Variants in DAGLB observed in about 807,000 individuals in gnomAD.
DAGLB encodes diacylglycerol lipase-beta.
DAGLB carries 66 observed loss-of-function variants against 72.1 expected under a neutral mutation model. The observed-to-expected ratio is 0.92, with a 90% CI of 0.75 to 1.12. DAGLB has a LOEUF of 1.12. Among genes scored for constraint, DAGLB ranks in the 50% most tolerant of loss-of-function variants. The pLI, the probability that DAGLB is intolerant of heterozygous loss-of-function variation, is 0.00. For synonymous variants in DAGLB, 414 were observed against 359.5 expected (o/e 1.15, Z -1.71); for missense variants, 1,065 against 884.9 (o/e 1.20, Z -2.58).
Position 6,410,336 on chromosome 7 carries a change from T to G in DAGLB, c.1614A>C (p.Gly538=), listed in dbSNP as rs77154720. The change falls in exon 14 of 15, where the codon GGA becomes GGC. Residue 538 remains glycine, a synonymous_variant. Coordinates refer to ENST00000297056, the MANE Select transcript of DAGLB (RefSeq NM_139179.4). ...LHGLWYELFG[G]NPNNLPTELD... is the part of the protein sequence containing the mutation. ...GCTCCGTGGGCAAGTTGTTGGGGTTTCCTCCAAACAGTTCGTACCACAAAC... is the reference window on the plus strand; with the variant it reads ...GCTCCGTGGGCAAGTTGTTGGGGTTGCCTCCAAACAGTTCGTACCACAAAC... 0.031 allele frequency: 50,444 copies of G among 1,614,012 alleles called. 965 individuals are homozygous for G. The highest frequency in any genetic ancestry group is 0.073 in the Middle Eastern group (445 of 6,062).
intron 1 of DAGLB, among the ~76,000 whole-genome samples, chr7:6,446,706 T>C (rs1030978537): frequency 7.9e-5 from 12 of 151,034 alleles, no homozygotes; most frequent in South Asian, 4.3e-4. Flanking sequence ...TGGAATATAA[T>C]TGCCAACAAT....
At chr7:6,418,886 C>G (rs1376928448) in intron 9 of DAGLB, among the ~76,000 whole-genome samples, 4 of 151,024 alleles carry the variant, frequency 2.6e-5, no homozygotes, top group African/African-American at 4.9e-5. Flanking sequence ...GGATGGTCTC[C>G]ATCTCCTGAC....
rs371793192 is a variant in DAGLB at position 6,414,820 on chromosome 7, A to G, written c.1428-1786T>C. Among the ~76,000 whole-genome samples, 10 of 141,096 alleles carry G rather than the reference A, an allele frequency of 7.1e-5. 1 individual carries two copies. Among genetic ancestry groups the G allele is most frequent in the African/African-American group, 2.6e-4 (10 of 37,942 alleles). The allele number at this position is 141,096 out of a possible 152,430, so 92.6% of individuals were successfully genotyped here. The stretch of plus-strand genomic sequence containing the variant: ...GGTTGATTCCAGATATGGACGATGG[A>G]AAAAAAAAATACTTGCTCATTTCAA... On this transcript the variant is annotated intron_variant, in intron 11 of 14. Transcript: ENST00000297056.
At chr7:6,423,568 T>C (rs556862286) in intron 8 of DAGLB, among the ~76,000 whole-genome samples, 261 of 147,502 alleles carry the variant, frequency 1.8e-3, no homozygotes, top group Non-Finnish European at 2.8e-3. Flanking sequence ...GGATTACAGG[T>C]TCCCGCCACC....
At chr7:6,433,097 CTGCTCCT>C in intron 4 of DAGLB, 138 bp from the exon 5 acceptor site, 2 of 1,322,058 alleles carry the variant, frequency 1.5e-6, no homozygotes, top group Non-Finnish European at 2.0e-6. Context: ...GTTAAAAAGA[CTGCTCCT>C]GGCAGGAGTG....
intron 8 of DAGLB, among the ~76,000 whole-genome samples, chr7:6,423,555 C>T (rs1469738026): frequency 6.6e-6 from 1 of 151,934 alleles, no homozygotes; most frequent in African/African-American, 2.4e-5. Flanking sequence ...TCCTGAGTAT[C>T]TGGGATTACA....
intron 2 of DAGLB, among the ~76,000 whole-genome samples, chr7:6,439,420 C>T (rs1784759790): frequency 6.6e-6 from 1 of 152,192 alleles, no homozygotes; most frequent in Non-Finnish European, 1.5e-5. Context: ...GTCCTCACCA[C>T]TGTCTTGGTT....
chr7:6,417,854 A>T (rs547714009), intron 9 of DAGLB: 1 of 152,178 alleles, frequency 6.6e-6, no homozygotes, highest in African/African-American at 2.4e-5. Flanking sequence ...AGTAAATAAA[A>T]TTTTATTTAT....
intron 5 of DAGLB, among the ~76,000 whole-genome samples, chr7:6,430,924 C>T (rs1045555624): frequency 6.6e-6 from 1 of 152,108 alleles, no homozygotes; most frequent in Admixed American, 6.6e-5. Context: ...TACAGGCACC[C>T]GCCACCACAC....
At position 6,410,258 on chromosome 7, in the gene DAGLB, G is replaced by A; in HGVS notation, c.1692C>T (p.Ser564=). Residue 564 remains serine, a synonymous_variant, in exon 14 of 15, where the codon AGC becomes AGT. Coordinates refer to ENST00000297056, the MANE Select transcript of DAGLB (RefSeq NM_139179.4). ...AGGCCGGGGACCAGCGCGTCAGTAG[G>A]CTCTGCTCCCCCAGAAGAGGCTGTG... ...VLTQPLLGEQ[S]LLTRWSPAYS... The A allele has an allele frequency of 6.2e-7, 1 of 1,613,548 alleles. No homozygotes were observed. The highest frequency in any genetic ancestry group is 8.5e-7 in the Non-Finnish European group (1 of 1,179,794).
chr7:6,439,988 G>A (rs1267780720), intron 2 of DAGLB, among the ~76,000 whole-genome samples: 1 of 150,422 alleles, frequency 6.6e-6, no homozygotes, highest in Non-Finnish European at 1.5e-5. Flanking sequence ...AGAGGTAGAG[G>A]ATGCAGTGAG....
intron 5 of DAGLB, among the ~76,000 whole-genome samples, 163 bp from the exon 6 acceptor site, chr7:6,430,770 G>A (rs895925817): frequency 6.6e-6 from 1 of 151,796 alleles, no homozygotes; most frequent in Non-Finnish European, 1.5e-5. Context: ...CAATAAGGAT[G>A]ACATGGACTC....
intron 9 of DAGLB, among the ~76,000 whole-genome samples, chr7:6,420,492 G>C (rs1457384714): frequency 6.6e-6 from 1 of 151,918 alleles, no homozygotes; most frequent in Non-Finnish European, 1.5e-5. Flanking sequence ...AATCCTGTAC[G>C]ATTCCACTTC....
At chr7:6,444,859 T>C (rs1433218374) in intron 2 of DAGLB, among the ~76,000 whole-genome samples, 4 of 151,914 alleles carry the variant, frequency 2.6e-5, no homozygotes, top group Non-Finnish European at 2.9e-5. Context: ...TGAGCCGAGA[T>C]TGCGCCATGG....
At chr7:6,418,495 C>A (rs545366802) in intron 9 of DAGLB, among the ~76,000 whole-genome samples, 2 of 152,226 alleles carry the variant, frequency 1.3e-5, no homozygotes, top group East Asian at 3.9e-4. Context: ...CCCTGTCAAT[C>A]AAAAATATCT....
intron 6 of DAGLB, among the ~76,000 whole-genome samples, chr7:6,427,026 T>C (rs1324716926): frequency 6.6e-6 from 1 of 152,154 alleles, no homozygotes; most frequent in African/African-American, 2.4e-5. Flanking sequence ...GAGACTTGCT[T>C]GCAACTGGGA....
In DAGLB at chr7:6,414,407, G is replaced by C. The variant is rs114566061; in HGVS notation, c.1428-1373C>G. Among the ~76,000 whole-genome samples, 47 of 151,814 alleles carry C rather than the reference G, an allele frequency of 3.1e-4. No individual in the cohort carries two copies. In the South Asian group the frequency reaches 9.8e-3, roughly 32 times the overall value. ...GGCTCACGGCAACCTCTTCATCCTG[G>C]GTTCAGGCAATCCTACTGCCTCAGC... On this transcript the variant is annotated intron_variant, in intron 11 of 14. Coordinates refer to ENST00000297056, the MANE Select transcript of DAGLB (RefSeq NM_139179.4).
At chr7:6,412,644 A>T in intron 13 of DAGLB, 167 bp downstream of exon 13, 1 of 742,278 alleles carries the variant, frequency 1.3e-6, no homozygotes, top group Non-Finnish European at 2.2e-6. Flanking sequence ...TTGCTTTCTT[A>T]GACATCACAG....
rs201013220 is a variant in DAGLB, at chr7:6,416,758, G to C, written c.1300-4C>G. 7.7e-4 allele frequency: 1,241 copies of C among 1,613,716 alleles called. 2 individuals carry two copies. The highest frequency in any genetic ancestry group is 9.8e-4 in the Non-Finnish European group (1,152 of 1,179,874). On this transcript the variant is annotated splice_polypyrimidine_tract_variant and splice_region_variant and intron_variant, in intron 10 of 14. Transcript: ENST00000297056. ...CCACTATGACCAGCCGGTACTCCTA[G>C]AGGACAGACAGCAGAATGAGGTGAA...
Sources: allele counts gnomAD v4.1 joint callset (sites outside exome capture counted in the v4.1 genomes callset), GRCh38; gene constraint gnomAD v4.1.1; transcripts MANE v1.5; gene names NCBI Gene and HGNC (gene_info 2026-07-23, HGNC 2026-07-21).